STAC: variants seen among roughly 807,000 people sequenced by gnomAD.
STAC encodes SH3 and cysteine rich domain.
A neutral mutation model predicts 48.8 loss-of-function variants in STAC; 43 were observed. The ratio of observed to expected loss-of-function variants is 0.88; its 90% confidence interval spans 0.69 to 1.14. The LOEUF (loss-of-function observed/expected upper bound fraction) is 1.14. Ranked by LOEUF, STAC falls within the 50% of genes most tolerant of loss-of-function variation. The probability of loss-of-function intolerance (pLI) is 0.00; values close to 1 mark genes in which losing one functional copy is unlikely to be tolerated. For synonymous variants in STAC, 193 were observed against 179.5 expected, an observed-to-expected ratio of 1.07 and a Z score of -0.60; for missense variants, 497 against 504.0, an observed-to-expected ratio of 0.99 and a Z score of 0.13.
intron 1 of STAC, among the ~76,000 whole-genome samples, chr3:36,417,423 A>G (rs566292515): frequency 1.3e-5 from 2 of 152,300 alleles, no homozygotes; most frequent in East Asian, 3.9e-4. Context: ...AGTCCAGTGT[A>G]CTTATACACA....
At chr3:36,433,578 A>G (rs1414034982) in intron 1 of STAC, among the ~76,000 whole-genome samples, 1 of 152,218 alleles carries the variant, frequency 6.6e-6, no homozygotes, top group Non-Finnish European at 1.5e-5. Context: ...ATATAAATAT[A>G]GGGCTTGTGT....
intron 2 of STAC, among the ~76,000 whole-genome samples, chr3:36,467,978 T>C (rs1302392499): frequency 2.6e-5 from 4 of 152,142 alleles, no homozygotes; most frequent in African/African-American, 7.2e-5. Context: ...GATGTAGGTA[T>C]TTAAATGCTA....
At chr3:36,399,683 T>G (rs529209540) in intron 1 of STAC, among the ~76,000 whole-genome samples, 2 of 152,270 alleles carry the variant, frequency 1.3e-5, no homozygotes, top group African/African-American at 4.8e-5. Flanking sequence ...TCCTTCAATC[T>G]AAAATAACTC....
chr3:36,496,987 C>T (rs551461751), intron 6 of STAC, among the ~76,000 whole-genome samples: 20 of 151,640 alleles, frequency 1.3e-4, no homozygotes, highest in African/African-American at 2.2e-4. Flanking sequence ...ATTACAAAAT[C>T]GAATATTACC....
At chr3:36,393,716 C>T in intron 1 of STAC, among the ~76,000 whole-genome samples, 1 of 148,966 alleles carries the variant, frequency 6.7e-6, no homozygotes, top group Non-Finnish European at 1.5e-5. Flanking sequence ...AGAAAGCAGC[C>T]ATCCATGAAC....
At chr3:36,484,762 T>C (rs1697755206) in intron 3 of STAC, among the ~76,000 whole-genome samples, 1 of 152,194 alleles carries the variant, frequency 6.6e-6, no homozygotes, top group Non-Finnish European at 1.5e-5. Flanking sequence ...GACCTTGTTT[T>C]CTGGATAGAG....
intron 5 of STAC, among the ~76,000 whole-genome samples, chr3:36,487,053 A>C (rs1018499566): frequency 1.3e-5 from 2 of 152,212 alleles, no homozygotes; most frequent in Admixed American, 1.3e-4. Context: ...ATGAGCCTTC[A>C]AATGGTCTGC....
In STAC at chr3:36,485,027, G is replaced by T; in HGVS notation, c.540G>T (p.Gln180His). 1 of 1,604,258 alleles carries T rather than the reference G, an allele frequency of 6.2e-7. No homozygotes were observed. The highest frequency in any genetic ancestry group is 8.5e-7 in the Non-Finnish European group (1 of 1,175,566). Residue 180 changes from glutamine to histidine, a missense_variant, in exon 4 of 11, where the codon CAG becomes CAT. Coordinates refer to ENST00000273183, the MANE Select transcript of STAC (RefSeq NM_003149.3). ...GCTCCCCCTTGCTCATTCATGAACA[G>T]TTTGGCTGCATTAAAGAAGTTATGC... ...YYSSPLLIHE[Q>H]FGCIKEVMPI...
At chr3:36,468,188 C>T (rs1048233347) in intron 2 of STAC, among the ~76,000 whole-genome samples, 5 of 151,948 alleles carry the variant, frequency 3.3e-5, no homozygotes, top group Non-Finnish European at 7.4e-5. Flanking sequence ...TTTCTAAAAT[C>T]AACTGTGATC....
At chr3:36,444,035 T>C (rs1040275845) in intron 2 of STAC, among the ~76,000 whole-genome samples, 2 of 152,212 alleles carry the variant, frequency 1.3e-5, no homozygotes, top group Admixed American at 6.5e-5. Context: ...CATATGTGCA[T>C]GGTCATATCA....
chr3:36,409,180 A>G (rs1156402301), intron 1 of STAC, among the ~76,000 whole-genome samples: 1 of 152,196 alleles, frequency 6.6e-6, no homozygotes, highest in Non-Finnish European at 1.5e-5. Context: ...CATATTTTCT[A>G]TAGTCTTCCA....
At chr3:36,467,060 C>A (rs568530222) in intron 2 of STAC, among the ~76,000 whole-genome samples, 64 of 152,016 alleles carry the variant, frequency 4.2e-4, no homozygotes, top group African/African-American at 1.4e-3. Flanking sequence ...TAAAGTGATG[C>A]TGGATTTTGT....
intron 1 of STAC, among the ~76,000 whole-genome samples, chr3:36,426,200 T>A (rs1380064257): frequency 6.6e-6 from 1 of 152,212 alleles, no homozygotes; most frequent in African/African-American, 2.4e-5. Flanking sequence ...TCAATAGTTT[T>A]CTTTTTCTCA....
intron 1 of STAC, among the ~76,000 whole-genome samples, chr3:36,433,465 A>C (rs1399220572): frequency 2.0e-5 from 3 of 152,208 alleles, no homozygotes; most frequent in East Asian, 3.9e-4. Context: ...TTCATACTTC[A>C]AGATTTGAAA....
chr3:36,461,013 C>T (rs1697001650), intron 2 of STAC, among the ~76,000 whole-genome samples: 1 of 151,942 alleles, frequency 6.6e-6, no homozygotes, highest in African/African-American at 2.4e-5. Context: ...TAAGCAAAAA[C>T]AAGAACAAGA....
intron 1 of STAC, among the ~76,000 whole-genome samples, chr3:36,413,480 G>C (rs1448786104): frequency 6.6e-6 from 1 of 152,160 alleles, no homozygotes. Context: ...TGTTTTATCA[G>C]AGACTAGGAT....
intron 2 of STAC, among the ~76,000 whole-genome samples, chr3:36,470,139 C>T (rs1372959501): frequency 6.6e-6 from 1 of 151,986 alleles, no homozygotes; most frequent in African/African-American, 2.4e-5. Flanking sequence ...TGTTAAAGAA[C>T]CTTGTTTTGT....
At chr3:36,441,934 T>G (rs985853742) in intron 1 of STAC, among the ~76,000 whole-genome samples, 1 of 146,146 alleles carries the variant, frequency 6.8e-6, no homozygotes, top group Non-Finnish European at 1.5e-5. Context: ...TTGGATTGTT[T>G]GGAGGTTTGT....
At chr3:36,466,050 T>C (rs1325468786) in intron 2 of STAC, among the ~76,000 whole-genome samples, 1 of 152,344 alleles carries the variant, frequency 6.6e-6, no homozygotes, top group East Asian at 1.9e-4. Flanking sequence ...TTTAAATATT[T>C]GATCCATCTT....
Sources: gnomAD v4.1 joint callset for allele counts (sites outside exome capture counted in the v4.1 genomes callset) on GRCh38, gnomAD v4.1.1 for gene constraint, MANE v1.5 for transcripts, NCBI Gene and HGNC (gene_info 2026-07-23, HGNC 2026-07-21) for gene names.